RERE: variants seen among roughly 807,000 people sequenced by gnomAD.
RERE encodes arginine-glutamic acid dipeptide repeats protein.
In RERE, 40 loss-of-function variants were observed where a neutral mutation model predicts 146.1. The observed-to-expected ratio is 0.27, with a 90% confidence interval of 0.21 to 0.36. The LOEUF (loss-of-function observed/expected upper bound fraction) is 0.36. RERE is among the 10% of genes least tolerant of loss of function. The pLI, the probability that RERE is intolerant of heterozygous loss-of-function variation, is 1.00. For missense variants in RERE, 1,933 were observed against 2,138.7 expected (o/e 0.90, Z 1.90); for synonymous variants, 1,003 against 866.0 (o/e 1.16, Z -2.78).
In RERE at chr1:8,364,396, G is replaced by T; in HGVS notation, c.1541-141C>A. 1.4e-6 allele frequency: 1 copy of T among 739,330 alleles called. No homozygotes were observed. The highest frequency in any genetic ancestry group is 1.7e-5 in the South Asian group (1 of 60,522). 45.8% of individuals were successfully genotyped at this position (739,330 alleles called of 1,614,324 possible). ...CAGCCCTGGGCCCCAACACCCCAGGGCTAGTGCTGCCCTGCTCCCCCAAGG... is the reference window on the plus strand; with the variant it reads ...CAGCCCTGGGCCCCAACACCCCAGGTCTAGTGCTGCCCTGCTCCCCCAAGG... On this transcript the variant is annotated intron_variant, in intron 14 of 22. Transcript: ENST00000400908. The surrounding 1 kb of genome is among the most constrained non-coding windows in gnomAD (Gnocchi z 5.1).
chr1:8,427,138 G>A (rs1395331837), intron 11 of RERE, among the ~76,000 whole-genome samples: 1 of 152,138 alleles, frequency 6.6e-6, no homozygotes, highest in African/African-American at 2.4e-5. Context: ...TTACAGGTGT[G>A]AGTCACCGCA....
At chr1:8,715,296 G>A (rs1376002259) in intron 1 of RERE, among the ~76,000 whole-genome samples, 1 of 151,676 alleles carries the variant, frequency 6.6e-6, no homozygotes, top group Admixed American at 6.6e-5. Flanking sequence ...CAGATCACCT[G>A]AGGTCAGGAG....
Position 8,656,174 on chromosome 1 carries a change from T to C in RERE, c.124A>G (p.Thr42Ala), listed in dbSNP as rs1285996887. The change falls in exon 2 of 23, where the codon ACC becomes GCC. Residue 42 changes from threonine to alanine, a missense_variant. Thr to Ala is a moderately conservative substitution (Grantham distance 58). Transcript: ENST00000400908. The part of the protein sequence containing the change: ...SENSRPRRSC[T>A]LEGGAKNYAE... ...TAATTTTTGGCTCCTCCTTCCAAGG[T>C]ACAGCTCCGGCGTGGCCTTGAATTC... The C allele has an allele frequency of 6.2e-7, 1 of 1,613,848 alleles. No individual in the cohort carries two copies. Among genetic ancestry groups the C allele is most frequent in the Non-Finnish European group, 8.5e-7 (1 of 1,179,720 alleles).
intron 4 of RERE, among the ~76,000 whole-genome samples, chr1:8,568,646 G>A (rs1462059653): frequency 1.3e-5 from 2 of 152,082 alleles, no homozygotes; most frequent in African/African-American, 4.8e-5. Context: ...GCCCTCCCCA[G>A]AGGCCAACCA....
At chr1:8,372,487 C>T (rs1238498776) in intron 12 of RERE, among the ~76,000 whole-genome samples, 1 of 132,894 alleles carries the variant, frequency 7.5e-6, no homozygotes, top group African/African-American at 2.9e-5. Context: ...GTGTCTGCAG[C>T]CTGCCACCTA....
intron 6 of RERE, among the ~76,000 whole-genome samples, chr1:8,541,923 A>G (rs951555290): frequency 3.9e-5 from 6 of 152,218 alleles, no homozygotes; most frequent in Non-Finnish European, 4.4e-5. Context: ...TTAAATGGCT[A>G]TAAGGTTAGA....
At chr1:8,714,721 A>G (rs1312530374) in intron 1 of RERE, among the ~76,000 whole-genome samples, 1 of 152,164 alleles carries the variant, frequency 6.6e-6, no homozygotes, top group Non-Finnish European at 1.5e-5. Context: ...TGATCTATAG[A>G]TTAATATTTT....
intron 8 of RERE, 144 bp downstream of exon 8, chr1:8,508,483 G>C: frequency 1.6e-6 from 1 of 636,228 alleles, no homozygotes; most frequent in Non-Finnish European, 2.8e-6. Context: ...GGTGATCTGA[G>C]GAGGGTGGAA....
intron 7 of RERE, among the ~76,000 whole-genome samples, chr1:8,532,071 A>C (rs1645661462): frequency 6.6e-6 from 1 of 152,202 alleles, no homozygotes; most frequent in Non-Finnish European, 1.5e-5. Context: ...ACAAAAATTA[A>C]AAATTAAGAA....
chr1:8,640,828 T>C (rs76496432), intron 2 of RERE, among the ~76,000 whole-genome samples: 4,130 of 152,276 alleles, frequency 0.027, 174 homozygotes, highest in African/African-American at 0.094. Flanking sequence ...CAATACGCAT[T>C]ATAAAACTCA....
At chr1:8,374,417 G>A (rs1285639723) in intron 12 of RERE, among the ~76,000 whole-genome samples, 1 of 152,066 alleles carries the variant, frequency 6.6e-6, no homozygotes, top group Non-Finnish European at 1.5e-5. Context: ...CAGTGCAAAG[G>A]AACTGCAATA....
Position 8,742,583 on chromosome 1 carries a change from G to A in RERE, c.-145+74577C>T, listed in dbSNP as rs924656223. 1.6e-4 allele frequency among the ~76,000 whole-genome samples: 24 copies of A among 152,178 alleles called. 1 individual carries two copies. The highest frequency in any genetic ancestry group is 5.5e-4 in the African/African-American group (23 of 41,446). On this transcript the variant is annotated intron_variant, in intron 1 of 22. Coordinates refer to ENST00000400908, the MANE Select transcript of RERE (RefSeq NM_001042681.2). ...CACCTGCGATCCCAGCGCTTTGGGA[G>A]GCCGAGGCAGGCAGATCACTCAAGC...
chr1:8,758,416 G>A (rs1333218683), intron 1 of RERE, among the ~76,000 whole-genome samples: 1 of 149,958 alleles, frequency 6.7e-6, no homozygotes, highest in Non-Finnish European at 1.5e-5. Flanking sequence ...TAAAGAAACG[G>A]GGTTTCACTC....
chr1:8,731,677 G>A lies in RERE; in HGVS notation c.-144-75236C>T, dbSNP rs868786095. On this transcript the variant is annotated intron_variant, in intron 1 of 22. Coordinates refer to ENST00000400908, the MANE Select transcript of RERE (RefSeq NM_001042681.2). The stretch of plus-strand genomic sequence containing the variant: ...TTCTTAGGGAAACCCAAAGAAACCA[G>A]GGGTGGAAAAAAACAAGAAAACTAC... 4.9e-4 allele frequency among the ~76,000 whole-genome samples: 75 copies of A among 152,150 alleles called. 1 individual carries two copies. The highest frequency in any genetic ancestry group is 3.7e-4 in the Non-Finnish European group (25 of 68,022).
chr1:8,558,049 C>T (rs922796286), intron 4 of RERE, among the ~76,000 whole-genome samples: 8 of 152,134 alleles, frequency 5.3e-5, no homozygotes, highest in Admixed American at 3.3e-4. Context: ...TGTTTAGCCA[C>T]AGTTATTGTT....
At chr1:8,606,226 G>A (rs971171425) in intron 4 of RERE, among the ~76,000 whole-genome samples, 1 of 152,036 alleles carries the variant, frequency 6.6e-6, no homozygotes, top group Non-Finnish European at 1.5e-5. Flanking sequence ...AGATACAGGT[G>A]ACAAAGAACA....
At chr1:8,673,894 C>G (rs983027069) in intron 1 of RERE, among the ~76,000 whole-genome samples, 1 of 152,032 alleles carries the variant, frequency 6.6e-6, no homozygotes, top group African/African-American at 2.4e-5. Flanking sequence ...AGCTGGGCAC[C>G]TGGTGGCAAA....
intron 10 of RERE, among the ~76,000 whole-genome samples, chr1:8,482,801 C>G (rs115608833): frequency 6.6e-6 from 1 of 151,468 alleles, no homozygotes; most frequent in South Asian, 2.1e-4. Context: ...GGAAGCCACA[C>G]AGGTGAACAC....
intron 3 of RERE, among the ~76,000 whole-genome samples, chr1:8,617,163 T>C (rs915975776): frequency 3.3e-5 from 5 of 151,736 alleles, no homozygotes; most frequent in African/African-American, 1.2e-4. Flanking sequence ...GCCAATGTAG[T>C]GAAACCCCGT....
Sources: allele counts gnomAD v4.1 joint callset (sites outside exome capture counted in the v4.1 genomes callset), GRCh38; gene constraint gnomAD v4.1.1; non-coding constraint Gnocchi (gnomAD v3.1); transcripts MANE v1.5; gene names NCBI Gene and HGNC (gene_info 2026-07-23, HGNC 2026-07-21).